The following ROR1 variants were observed in gnomAD, a reference collection of about 807,000 sequenced individuals.
ROR1 encodes inactive tyrosine-protein kinase transmembrane receptor ROR1.
Under a neutral mutation model 78.8 loss-of-function variants are expected in ROR1, and 19 were observed. That is an observed-to-expected ratio of 0.24 (90% confidence interval 0.17 to 0.35). ROR1 has a LOEUF of 0.35. ROR1 is among the 10% of genes least tolerant of loss of function. The pLI is 1.00. For synonymous variants in ROR1, 386 were observed against 433.6 expected, an observed-to-expected ratio of 0.89 and a Z score of 1.36; for missense variants, 917 against 1,177.8, an observed-to-expected ratio of 0.78 and a Z score of 3.24.
intron 1 of ROR1, among the ~76,000 whole-genome samples, chr1:63,874,396 T>A (rs1296570906): frequency 6.6e-6 from 1 of 152,112 alleles, no homozygotes; most frequent in Non-Finnish European, 1.5e-5. Flanking sequence ...TTGATGGCAT[T>A]TTTTGGCAGT....
At chr1:63,927,706 C>T (rs2100439386) in intron 1 of ROR1, among the ~76,000 whole-genome samples, 1 of 152,124 alleles carries the variant, frequency 6.6e-6, no homozygotes, top group Admixed American at 6.5e-5. Flanking sequence ...TGGGTTAGGC[C>T]CATGTATCCA....
At chr1:64,140,818 G>A (rs372011443) in intron 6 of ROR1, among the ~76,000 whole-genome samples, 9 of 152,232 alleles carry the variant, frequency 5.9e-5, no homozygotes, top group East Asian at 1.9e-4. Context: ...GTAGAGGAGC[G>A]GTTAAACAAA....
intron 1 of ROR1, among the ~76,000 whole-genome samples, chr1:63,932,216 G>A (rs1424031502): frequency 6.6e-6 from 1 of 152,140 alleles, no homozygotes; most frequent in Admixed American, 6.6e-5. Flanking sequence ...GAGGTTGCCT[G>A]GCATGGGAGG....
chr1:63,950,958 T>G (rs565905545), intron 1 of ROR1, among the ~76,000 whole-genome samples: 1 of 152,294 alleles, frequency 6.6e-6, no homozygotes, highest in East Asian at 1.9e-4. Flanking sequence ...ACCAAAAACC[T>G]TCATCGAACA....
intron 1 of ROR1, among the ~76,000 whole-genome samples, chr1:63,811,402 T>C (rs1644859242): frequency 6.6e-6 from 1 of 152,162 alleles, no homozygotes; most frequent in Non-Finnish European, 1.5e-5. Flanking sequence ...TCCAGCTGTT[T>C]AGGTTACTTT....
chr1:63,847,954 C>G (rs971831306), intron 1 of ROR1, among the ~76,000 whole-genome samples: 5 of 152,144 alleles, frequency 3.3e-5, no homozygotes, highest in African/African-American at 1.2e-4. Context: ...TCATCAAGAG[C>G]AGAGATAAAA....
At chr1:64,136,715 A>AT (rs1366308981) in intron 4 of ROR1, among the ~76,000 whole-genome samples, 1 of 152,146 alleles carries the variant, frequency 6.6e-6, no homozygotes, top group Non-Finnish European at 1.5e-5. Flanking sequence ...TAATAAGACT[A>AT]TTTTTTTAAA....
At chr1:63,775,987 G>T (rs1205314600) in intron 1 of ROR1, among the ~76,000 whole-genome samples, 1 of 152,176 alleles carries the variant, frequency 6.6e-6, no homozygotes, top group African/African-American at 2.4e-5. Context: ...CTGGCCTTGC[G>T]CCACAACACC....
chr1:64,053,490 C>T (rs1557629168), intron 4 of ROR1, among the ~76,000 whole-genome samples: 1 of 152,186 alleles, frequency 6.6e-6, no homozygotes, highest in Admixed American at 6.5e-5. Context: ...TTCATTTCTT[C>T]TGTCATTGCT....
rs184612008 is a variant in ROR1 at position 63,835,318 on chromosome 1, T to A, written c.91+60810T>A. Among the ~76,000 whole-genome samples the A allele has an allele frequency of 5.3e-5, 8 of 152,288 alleles. No individual in the cohort carries two copies. The East Asian group carries it at 1.5e-3, about 29-fold the overall frequency. ...TACAGTGCCAGACACAGAGAAAGCCTTCTGGAACTGGAATCCACACACACC... is the reference window on the plus strand; with the variant it reads ...TACAGTGCCAGACACAGAGAAAGCCATCTGGAACTGGAATCCACACACACC... On this transcript the variant is annotated intron_variant, in intron 1 of 8. Coordinates refer to ENST00000371079, the MANE Select transcript of ROR1 (RefSeq NM_005012.4).
chr1:63,980,159 A>G (rs1646197723), intron 1 of ROR1, among the ~76,000 whole-genome samples: 1 of 151,678 alleles, frequency 6.6e-6, no homozygotes, highest in South Asian at 2.1e-4. Flanking sequence ...ACATATATAT[A>G]TATATATTTG....
At chr1:63,883,767 T>A (rs536321091) in intron 1 of ROR1, among the ~76,000 whole-genome samples, 33 of 152,292 alleles carry the variant, frequency 2.2e-4, no homozygotes, top group Non-Finnish European at 4.3e-4. Context: ...CATGCCAGCT[T>A]CATCTTGGTG....
intron 1 of ROR1, among the ~76,000 whole-genome samples, chr1:63,906,537 C>G (rs1645530425): frequency 6.6e-6 from 1 of 152,154 alleles, no homozygotes; most frequent in Admixed American, 6.5e-5. Context: ...TGTGCCTGCT[C>G]AAGGTTAAGC....
At chr1:64,148,175 C>T (rs1034748093) in intron 7 of ROR1, among the ~76,000 whole-genome samples, 5 of 152,074 alleles carry the variant, frequency 3.3e-5, no homozygotes, top group Non-Finnish European at 7.4e-5. Context: ...AGTTCTATCC[C>T]CCTAGGAGTA....
At chr1:64,051,986 G>A (rs887305762) in intron 4 of ROR1, among the ~76,000 whole-genome samples, 22 of 152,334 alleles carry the variant, frequency 1.4e-4, no homozygotes, top group African/African-American at 5.3e-4. Flanking sequence ...AATGAAATAG[G>A]TAATGGGTAA....
chr1:63,934,808 G>T (rs903472077), intron 1 of ROR1, among the ~76,000 whole-genome samples: 3 of 152,170 alleles, frequency 2.0e-5, no homozygotes, highest in Non-Finnish European at 4.4e-5. Flanking sequence ...AGACAGGTCT[G>T]TGGGGTCAAA....
At chr1:64,100,611 T>C (rs1647490095) in intron 4 of ROR1, among the ~76,000 whole-genome samples, 1 of 152,220 alleles carries the variant, frequency 6.6e-6, no homozygotes, top group Non-Finnish European at 1.5e-5. Flanking sequence ...TGATAAATAC[T>C]CCAAGCCTTC....
At chr1:64,132,478 G>C (rs1218488492) in intron 4 of ROR1, among the ~76,000 whole-genome samples, 2 of 152,104 alleles carry the variant, frequency 1.3e-5, no homozygotes, top group African/African-American at 4.8e-5. Flanking sequence ...AGAGGTAGGA[G>C]ACCCGGCGTG....
intron 2 of ROR1, among the ~76,000 whole-genome samples, chr1:64,015,387 A>G (rs1646512420): frequency 1.3e-5 from 2 of 152,198 alleles, no homozygotes; most frequent in Non-Finnish European, 2.9e-5. Context: ...GTCACAACAT[A>G]CAGATACATC....
Sources: gnomAD v4.1 joint callset for allele counts (sites outside exome capture counted in the v4.1 genomes callset) on GRCh38, gnomAD v4.1.1 for gene constraint, MANE v1.5 for transcripts, NCBI Gene and HGNC (gene_info 2026-07-23, HGNC 2026-07-21) for gene names.